CNTN4: variants seen among roughly 807,000 people sequenced by gnomAD.
CNTN4 encodes contactin-4.
Under a neutral mutation model 122.5 loss-of-function variants are expected in CNTN4, and 77 were observed. That is an observed-to-expected ratio of 0.63 (90% CI 0.52 to 0.76). CNTN4 has a LOEUF of 0.76. Ranked by LOEUF, CNTN4 falls within the 30% of genes least tolerant of loss-of-function variation. The pLI is 0.00. For synonymous variants in CNTN4, 512 were observed against 447.0 expected, an observed-to-expected ratio of 1.15 and a Z score of -1.83; for missense variants, 1,256 against 1,259.1, an observed-to-expected ratio of 1.00 and a Z score of 0.04.
chr3:3,052,680 C>T (rs923136035), intron 23 of CNTN4, among the ~76,000 whole-genome samples: 1 of 152,200 alleles, frequency 6.6e-6, no homozygotes, highest in African/African-American at 2.4e-5. Flanking sequence ...TTGGCCACCT[C>T]ATCAAATGAA....
intron 1 of CNTN4, among the ~76,000 whole-genome samples, chr3:2,100,071 C>G (rs180843984): frequency 6.2e-4 from 95 of 152,210 alleles, no homozygotes; most frequent in African/African-American, 2.1e-3. Flanking sequence ...AGATTCGGTG[C>G]GAAGAAGCTG....
At chr3:2,997,458 A>G (rs926875564) in intron 14 of CNTN4, among the ~76,000 whole-genome samples, 1 of 152,218 alleles carries the variant, frequency 6.6e-6, no homozygotes, top group Non-Finnish European at 1.5e-5. Flanking sequence ...GTGTCAGAAT[A>G]ATTCATGAGT....
rs148816221 is a variant in CNTN4, at chr3:2,561,457, C to T, written c.-88-9959C>T. On this transcript the variant is annotated intron_variant, in intron 3 of 24. Coordinates refer to ENST00000418658, the MANE Select transcript of CNTN4 (RefSeq NM_175607.3). ...CAATTTCCCCCAAGTCCCTTGCATC[C>T]GCTCTCCTCCAGTGCTCAGTGGGAA... Among the ~76,000 whole-genome samples, 220 of 152,106 alleles carry T rather than the reference C, an allele frequency of 1.4e-3. 1 individual carries two copies. Among genetic ancestry groups the T allele is most frequent in the Middle Eastern group, 0.014 (4 of 294 alleles).
chr3:2,673,834 G>A (rs376129361), intron 4 of CNTN4, among the ~76,000 whole-genome samples: 9 of 152,114 alleles, frequency 5.9e-5, no homozygotes, highest in East Asian at 1.9e-4. Flanking sequence ...GAGTCGCTGC[G>A]CCCGGCCGGA....
At chr3:2,693,911 C>T (rs1311609132) in intron 4 of CNTN4, among the ~76,000 whole-genome samples, 4 of 152,206 alleles carry the variant, frequency 2.6e-5, no homozygotes, top group African/African-American at 7.2e-5. Context: ...CTCAAACCTT[C>T]AGTGGCTCCT....
intron 2 of CNTN4, among the ~76,000 whole-genome samples, chr3:2,120,409 T>A (rs995214292): frequency 0.013 from 1,345 of 102,850 alleles, 19 homozygotes; most frequent in East Asian, 0.052. Flanking sequence ...ATATATATTT[T>A]TTTTTTTTTT....
chr3:2,658,463 C>T (rs1432550534), intron 4 of CNTN4, among the ~76,000 whole-genome samples: 1 of 152,152 alleles, frequency 6.6e-6, no homozygotes, highest in Non-Finnish European at 1.5e-5. Flanking sequence ...TGGACACTCT[C>T]ATTTGTCAAA....
chr3:2,269,950 A>T (rs865976098), intron 2 of CNTN4, among the ~76,000 whole-genome samples: 1 of 31,762 alleles, frequency 3.1e-5, no homozygotes, highest in African/African-American at 6.7e-5. Flanking sequence ...TTATTTATTT[A>T]TTTATTTTTT....
Position 2,151,993 on chromosome 3 carries a change from T to C in CNTN4, c.-145+51354T>C, listed in dbSNP as rs548231239. Among the ~76,000 whole-genome samples the C allele has an allele frequency of 2.6e-5, 4 of 152,352 alleles. No homozygotes were observed. In the South Asian group the frequency reaches 8.3e-4, roughly 32 times the overall value. On this transcript the variant is annotated intron_variant, in intron 2 of 24. Coordinates refer to ENST00000418658, the MANE Select transcript of CNTN4 (RefSeq NM_175607.3). ...TGCATGATTTTTTCTAAGTAAATTA[T>C]GTACAATATTAACTGATCAGTGTTT...
intron 7 of CNTN4, among the ~76,000 whole-genome samples, chr3:2,854,367 G>A (rs548958461): frequency 1.5e-5 from 2 of 136,196 alleles, no homozygotes; most frequent in Admixed American, 8.4e-5. Flanking sequence ...TCACCTCCCC[G>A]GTTCAAGAGA....
intron 18 of CNTN4, chr3:3,037,589 C>G (rs746631870): frequency 2.1e-6 from 1 of 475,308 alleles, no homozygotes; most frequent in Non-Finnish European, 3.9e-6. Context: ...AAAGCCAGCC[C>G]TTTCTTCATT....
chr3:2,218,626 A>C (rs1324450157), intron 2 of CNTN4, among the ~76,000 whole-genome samples: 1 of 152,362 alleles, frequency 6.6e-6, no homozygotes, highest in South Asian at 2.1e-4. Context: ...TAACTATAAA[A>C]ATTCCACATC....
chr3:2,164,857 A>AC (rs1313388404), intron 2 of CNTN4, among the ~76,000 whole-genome samples: 2 of 152,244 alleles, frequency 1.3e-5, no homozygotes, highest in African/African-American at 4.8e-5. Flanking sequence ...TACTGTTTAA[A>AC]AAAAACAAAA....
Position 2,673,648 on chromosome 3 carries a change from C to G in CNTN4, c.56-62567C>G, listed in dbSNP as rs573627462. Among the ~76,000 whole-genome samples, 343 of 152,276 alleles carry G rather than the reference C, an allele frequency of 2.3e-3. 3 individuals carry two copies. Among genetic ancestry groups the G allele is most frequent in the African/African-American group, 7.7e-3 (320 of 41,554 alleles). Reference sequence around the variant, plus strand: ...CTGCACCTCACGGGTTCACGCCATTCTCCTGCCTCAGCCTCCCAAGTAGCT... The same window carrying G: ...CTGCACCTCACGGGTTCACGCCATTGTCCTGCCTCAGCCTCCCAAGTAGCT... On this transcript the variant is annotated intron_variant, in intron 4 of 24. Coordinates refer to ENST00000418658, the MANE Select transcript of CNTN4 (RefSeq NM_175607.3).
At chr3:2,502,068 G>A (rs2076608847) in intron 3 of CNTN4, among the ~76,000 whole-genome samples, 1 of 152,094 alleles carries the variant, frequency 6.6e-6, no homozygotes, top group African/African-American at 2.4e-5. Context: ...TTATGTATAT[G>A]CAAATATTCC....
intron 6 of CNTN4, among the ~76,000 whole-genome samples, chr3:2,792,098 A>G (rs1185839085): frequency 1.3e-5 from 2 of 152,206 alleles, no homozygotes; most frequent in Admixed American, 6.5e-5. Context: ...TAATTTTAAA[A>G]ACTCTTAACC....
rs899010593 is a variant in CNTN4, at chr3:2,677,866, T to C, written c.56-58349T>C. On this transcript the variant is annotated intron_variant, in intron 4 of 24. Transcript: ENST00000418658. Reference sequence around the variant, plus strand: ...GTCAAAAAATGAGAAACGGTACAATTTGCAATAAACACAAGAGTGTGTATT... The same window carrying C: ...GTCAAAAAATGAGAAACGGTACAATCTGCAATAAACACAAGAGTGTGTATT... Among the ~76,000 whole-genome samples, 11 of 152,276 alleles carry C rather than the reference T, an allele frequency of 7.2e-5. No individual in the cohort carries two copies. The East Asian group carries it at 1.5e-3, about 21-fold the overall frequency.
chr3:2,174,074 G>A (rs2036634523), intron 2 of CNTN4, among the ~76,000 whole-genome samples: 1 of 152,128 alleles, frequency 6.6e-6, no homozygotes, highest in South Asian at 2.1e-4. Flanking sequence ...CGCTGAGCCT[G>A]AACTTGTTTG....
chr3:2,345,221 G>GA (rs958418641), intron 3 of CNTN4, among the ~76,000 whole-genome samples: 1 of 152,098 alleles, frequency 6.6e-6, no homozygotes, highest in African/African-American at 2.4e-5. Context: ...GCCATTGCCT[G>GA]AAAATGTGTG....
Sources: gnomAD v4.1 joint callset for allele counts (sites outside exome capture counted in the v4.1 genomes callset) on GRCh38, gnomAD v4.1.1 for gene constraint, MANE v1.5 for transcripts, NCBI Gene and HGNC (gene_info 2026-07-23, HGNC 2026-07-21) for gene names.